ZMYM1: variants seen among roughly 807,000 people sequenced by gnomAD.
The protein encoded by ZMYM1 is zinc finger MYM-type protein 1.
Under a neutral mutation model 60.0 loss-of-function variants are expected in ZMYM1, and 39 were observed. That is an observed-to-expected ratio of 0.65 (90% CI 0.50 to 0.85). The LOEUF is 0.85. Among genes scored for constraint, ZMYM1 ranks in the 40% least tolerant of loss-of-function variants. The pLI is 0.00. For missense variants in ZMYM1, 1,171 were observed against 1,309.5 expected, an observed-to-expected ratio of 0.89 and a Z score of 1.63; for synonymous variants, 413 against 454.0, an observed-to-expected ratio of 0.91 and a Z score of 1.15.
At position 35,104,443 on chromosome 1, in the gene ZMYM1, T is replaced by G; in HGVS notation, c.568T>G (p.Cys190Gly). The G allele has an allele frequency of 6.2e-7, 1 of 1,610,836 alleles. No homozygotes were observed. The highest frequency in any genetic ancestry group is 8.5e-7 in the Non-Finnish European group (1 of 1,178,046). ...TICTNSILTK[C>G]SMCQKTAIIQ... ...ATGTACTAATAGCATTTTGACCAAG[T>G]GCAGCATGTGCCAGAAGACTGCTAT... Residue 190 changes from cysteine (C) to glycine (G), a missense_variant, in exon 5 of 10, where the codon TGC (cysteine) becomes GGC (glycine). By Grantham distance (159) the Cys-to-Gly change is radical. Transcript: ENST00000359858.
chr1:35,111,890 C>G lies in ZMYM1; in HGVS notation c.1080C>G (p.Ile360Met), dbSNP rs371434086. The G allele has an allele frequency of 2.5e-6, 4 of 1,595,286 alleles. No individual in the cohort carries two copies. Among genetic ancestry groups the G allele is most frequent in the Non-Finnish European group, 3.4e-6 (4 of 1,168,880 alleles). Reference protein sequence around the residue: ...SLADTDVALPIMNTDVLQDTV... With the variant: ...SLADTDVALPMMNTDVLQDTV... ...CAGACACCGATGTTGCCTTGCCCAT[C>G]ATGAACACTGATGTCTTACAAGGTA... The change falls in exon 8 of 10, where the codon ATC becomes ATG. Residue 360 changes from isoleucine to methionine, a missense_variant. Physicochemically the swap from Ile to Met is conservative, Grantham distance 10 (BLOSUM62 1). Transcript: ENST00000359858.
rs1477504080 is a variant in ZMYM1 at position 35,114,336 on chromosome 1, C to T, written c.2506C>T (p.His836Tyr). Residue 836 changes from histidine (H) to tyrosine (Y), a missense_variant, in exon 10 of 10, where the codon CAT becomes TAT. Coordinates refer to ENST00000359858, the MANE Select transcript of ZMYM1 (RefSeq NM_024772.5). Reference sequence around the variant, plus strand: ...TGAAACATTGGAAGTTATAGCAAGCCATTCTTCAAATACAAGTTTCGCCGA... The same window carrying T: ...TGAAACATTGGAAGTTATAGCAAGCTATTCTTCAAATACAAGTTTCGCCGA... ...IIETLEVIAS[H>Y]SSNTSFADEL... The T allele has an allele frequency of 1.9e-6, 3 of 1,612,480 alleles. No individual in the cohort carries two copies. The Admixed American group carries it at 5.0e-5, about 27-fold the overall frequency.
intron 7 of ZMYM1, among the ~76,000 whole-genome samples, 197 bp downstream of exon 7, chr1:35,110,644 T>C (rs2148565397): frequency 6.6e-6 from 1 of 152,040 alleles, no homozygotes; most frequent in South Asian, 2.1e-4. Context: ...GATTTAATAT[T>C]TGTAGGCCAA....
chr1:35,069,523 C>A (rs1014874395), intron 1 of ZMYM1, among the ~76,000 whole-genome samples: 4 of 152,008 alleles, frequency 2.6e-5, no homozygotes, highest in African/African-American at 9.7e-5. Flanking sequence ...ATATTTTCTC[C>A]CATTCTATAG....
rs1335397754 is a variant in ZMYM1, at chr1:35,115,850, T to A, written c.*591T>A. 6.6e-6 allele frequency: 1 copy of A among 152,056 alleles called. No individual in the cohort carries two copies. The highest frequency in any genetic ancestry group is 1.5e-5 in the Non-Finnish European group (1 of 68,046). The allele number at this position is 152,056 out of a possible 1,614,324, so 9.4% of individuals were successfully genotyped here. On this transcript the variant is annotated 3_prime_UTR_variant, in exon 10 of 10. Coordinates refer to ENST00000359858, the MANE Select transcript of ZMYM1 (RefSeq NM_024772.5). ...AGAGTGCCTATTAAATCTTTGTAAG[T>A]GTTATCAAATGTTTTGATCTTTCCT...
In ZMYM1 at chr1:35,113,622, G is replaced by C. The variant is rs1184641181; in HGVS notation, c.1792G>C (p.Gly598Arg). 3 of 1,613,454 alleles carry C rather than the reference G, an allele frequency of 1.9e-6. No individual in the cohort carries two copies. Among genetic ancestry groups the C allele is most frequent in the Non-Finnish European group, 2.5e-6 (3 of 1,179,772 alleles). Residue 598 changes from glycine to arginine, a missense_variant, in exon 10 of 10, where the codon GGA becomes CGA. Coordinates refer to ENST00000359858, the MANE Select transcript of ZMYM1 (RefSeq NM_024772.5). ...GTTAGAAATGAGAGCAAAAGATAAA[G>C]GAGAAGAAACATTTCGACTTATGAA... ...ELLEMRAKDK[G>R]EETFRLMNSQ...
Position 35,095,774 on chromosome 1 carries a change from C to A in ZMYM1, c.97-45C>A, listed in dbSNP as rs780006705. On this transcript the variant is annotated intron_variant, in intron 2 of 9. Transcript: ENST00000359858. ...GTTGAATGACTGGTTGTCTTAAATT[C>A]ATTGTATTCACTATTTTTAATTATT... 3 of 1,400,582 alleles carry A rather than the reference C, an allele frequency of 2.1e-6. No homozygotes were observed. The Admixed American group carries it at 6.2e-5, about 29-fold the overall frequency. 86.8% of individuals were successfully genotyped at this position (1,400,582 alleles called of 1,614,324 possible).
intron 1 of ZMYM1, among the ~76,000 whole-genome samples, chr1:35,060,143 GTTATTA>G (rs144363831): frequency 0.049 from 7,091 of 144,032 alleles, 235 homozygotes; most frequent in African/African-American, 0.1. Context: ...ACTATTTGTT[GTTATTA>G]TTATTATTAT....
At chr1:35,082,713 C>G (rs1306938316) in intron 1 of ZMYM1, among the ~76,000 whole-genome samples, 1 of 150,852 alleles carries the variant, frequency 6.6e-6, no homozygotes, top group African/African-American at 2.4e-5. Context: ...GGCGTGGTGG[C>G]TCACCCCTGT....
At chr1:35,098,185 A>G (rs891025879) in intron 4 of ZMYM1, among the ~76,000 whole-genome samples, 2 of 152,188 alleles carry the variant, frequency 1.3e-5, no homozygotes, top group Non-Finnish European at 2.9e-5. Flanking sequence ...AATTAATCCT[A>G]TGACAGTTAG....
chr1:35,064,536 T>C (rs1348504813), intron 1 of ZMYM1, among the ~76,000 whole-genome samples: 1 of 151,836 alleles, frequency 6.6e-6, no homozygotes, highest in African/African-American at 2.4e-5. Flanking sequence ...TTTACCGAAA[T>C]AGACAATATC....
chr1:35,061,773 G>C (rs928776327), intron 1 of ZMYM1, among the ~76,000 whole-genome samples: 3 of 150,078 alleles, frequency 2.0e-5, no homozygotes, highest in Non-Finnish European at 4.4e-5. Context: ...AAGACTCCGT[G>C]TCAAAAAAAG....
rs1375776509 is a variant in ZMYM1 at position 35,097,549 on chromosome 1, T to TATATAA, written c.402_403insATATAA (p.Thr134_Cys135insIleTer). On this transcript the variant is annotated stop_gained and inframe_insertion, in exon 4 of 10. Transcript: ENST00000359858. LOFTEE classifies it high-confidence loss of function. ...GTTCACCAGTTCCTTCTAAGAGAAC[T>TATATAA]TGTTCAAACTGCTCAAAGTATATAA... 6.2e-7 allele frequency: 1 copy of TATATAA among 1,614,216 alleles called. No homozygotes were observed. Among genetic ancestry groups the TATATAA allele is most frequent in the South Asian group, 1.1e-5 (1 of 91,088 alleles).
chr1:35,092,317 C>T (rs1643064079), intron 1 of ZMYM1, among the ~76,000 whole-genome samples: 1 of 151,968 alleles, frequency 6.6e-6, no homozygotes, highest in Non-Finnish European at 1.5e-5. Flanking sequence ...ACTGCAGCCT[C>T]CGCCTCCTGG....
At chr1:35,096,416 A>C (rs1004366209) in intron 3 of ZMYM1, among the ~76,000 whole-genome samples, 1 of 151,812 alleles carries the variant, frequency 6.6e-6, no homozygotes, top group African/African-American at 2.4e-5. Flanking sequence ...GCTTGAGGGC[A>C]GGAGTTTGAG....
intron 1 of ZMYM1, among the ~76,000 whole-genome samples, chr1:35,085,154 TCTC>T (rs2148495014): frequency 6.6e-6 from 1 of 152,104 alleles, no homozygotes; most frequent in South Asian, 2.1e-4. Flanking sequence ...TTCACGCCCT[TCTC>T]CTGCCTCAGC....
Position 35,094,068 on chromosome 1 carries a change from AC to A in ZMYM1, c.84del (p.Asp29ThrfsTer19). ...LGLLDEIKTE[P>X]DNAQEYCHRQ... ...GGCTGCTAGATGAAATTAAGACAGA[AC>A]CCGACAATGCTCAAGTAAATATTTT... On this transcript the variant is annotated frameshift_variant, in exon 2 of 10. Coordinates refer to ENST00000359858, the MANE Select transcript of ZMYM1 (RefSeq NM_024772.5). LOFTEE classifies it high-confidence loss of function. 6.2e-7 allele frequency: 1 copy of A among 1,609,094 alleles called. No homozygotes were observed. Among genetic ancestry groups the A allele is most frequent in the Non-Finnish European group, 8.5e-7 (1 of 1,177,426 alleles).
chr1:35,106,096 AC>A (rs967155360), intron 6 of ZMYM1, among the ~76,000 whole-genome samples: 4 of 152,130 alleles, frequency 2.6e-5, no homozygotes, highest in African/African-American at 4.8e-5. Flanking sequence ...CTTTAAAAAA[AC>A]AAACAAAAAA....
chr1:35,064,974 C>G (rs1194135139), intron 1 of ZMYM1, among the ~76,000 whole-genome samples: 2 of 151,970 alleles, frequency 1.3e-5, no homozygotes, highest in African/African-American at 4.8e-5. Context: ...TGCGCCCGGC[C>G]TAAACAACGT....
Sources: gnomAD v4.1 joint callset for allele counts (sites outside exome capture counted in the v4.1 genomes callset) on GRCh38, gnomAD v4.1.1 for gene constraint, MANE v1.5 for transcripts, NCBI Gene and HGNC (gene_info 2026-07-23, HGNC 2026-07-21) for gene names.